Variants in NPAS3 observed in about 807,000 individuals in gnomAD.
NPAS3 encodes neuronal PAS domain-containing protein 3.
A neutral mutation model predicts 73.1 loss-of-function variants in NPAS3; 14 were observed. The observed-to-expected ratio is 0.19, with a 90% CI of 0.13 to 0.30. The LOEUF (loss-of-function observed/expected upper bound fraction) is 0.30. Ranked by LOEUF, NPAS3 falls within the 10% of genes least tolerant of loss-of-function variation. The probability of loss-of-function intolerance (pLI) is 1.00; values close to 1 mark genes in which losing one functional copy is unlikely to be tolerated. For synonymous variants in NPAS3, 620 were observed against 541.5 expected, an observed-to-expected ratio of 1.14 and a Z score of -2.01; for missense variants, 1,096 against 1,250.0, an observed-to-expected ratio of 0.88 and a Z score of 1.86.
intron 5 of NPAS3, among the ~76,000 whole-genome samples, chr14:33,660,555 TA>T (rs1161790792): frequency 2.0e-5 from 3 of 152,244 alleles, no homozygotes; most frequent in African/African-American, 7.2e-5. Context: ...TGAATCAGAT[TA>T]AAAACACAAA....
intron 3 of NPAS3, among the ~76,000 whole-genome samples, chr14:33,230,888 T>G (rs933363919): frequency 6.6e-6 from 1 of 152,250 alleles, no homozygotes; most frequent in African/African-American, 2.4e-5. Context: ...TCATTTTCTC[T>G]GTCCCCTGAA....
At chr14:33,001,109 T>C (rs1238318691) in intron 1 of NPAS3, among the ~76,000 whole-genome samples, 1 of 152,212 alleles carries the variant, frequency 6.6e-6, no homozygotes, top group African/African-American at 2.4e-5. Flanking sequence ...AATCTTTGTG[T>C]GTGTGTGTCT....
At chr14:32,962,569 C>G (rs149186146) in intron 1 of NPAS3, among the ~76,000 whole-genome samples, 1 of 110,612 alleles carries the variant, frequency 9.0e-6, no homozygotes, top group Non-Finnish European at 1.8e-5. Flanking sequence ...TTTTTCTTTT[C>G]TTTTTTTTTT....
intron 2 of NPAS3, among the ~76,000 whole-genome samples, chr14:33,090,211 A>G (rs1401147360): frequency 6.6e-6 from 1 of 152,252 alleles, no homozygotes; most frequent in Non-Finnish European, 1.5e-5. Flanking sequence ...GGCAAATTGG[A>G]TTAAAAGTCA....
intron 1 of NPAS3, among the ~76,000 whole-genome samples, chr14:33,033,002 C>G (rs534534748): frequency 1.3e-4 from 20 of 152,280 alleles, no homozygotes; most frequent in Admixed American, 9.8e-4. Context: ...ACAGTTTCAG[C>G]TTGCCTATAG....
At chr14:33,413,217 C>T (rs533961535) in intron 4 of NPAS3, among the ~76,000 whole-genome samples, 2 of 151,834 alleles carry the variant, frequency 1.3e-5, no homozygotes, top group African/African-American at 4.8e-5. Context: ...ACTTTTCTTA[C>T]TGTTGTACTC....
chr14:33,371,663 A>T (rs954223595), intron 4 of NPAS3, among the ~76,000 whole-genome samples: 1 of 152,210 alleles, frequency 6.6e-6, no homozygotes, highest in African/African-American at 2.4e-5. Context: ...AAAAATGTTC[A>T]TATCTAATGC....
chr14:33,793,800 C>CGT, intron 9 of NPAS3, 97 bp from the exon 10 acceptor site: 1 of 1,210,982 alleles, frequency 8.3e-7, no homozygotes, highest in Non-Finnish European at 1.1e-6. Flanking sequence ...TAGGTCCTCC[C>CGT]ATTTTTAGGC....
At chr14:33,120,695 A>T (rs2043203688) in intron 2 of NPAS3, among the ~76,000 whole-genome samples, 1 of 152,110 alleles carries the variant, frequency 6.6e-6, no homozygotes, top group Admixed American at 6.6e-5. Flanking sequence ...CCTTCTCAAG[A>T]GATACTGAAT....
At chr14:33,727,087 T>G (rs2061288150) in intron 6 of NPAS3, among the ~76,000 whole-genome samples, 1 of 152,146 alleles carries the variant, frequency 6.6e-6, no homozygotes, top group African/African-American at 2.4e-5. Flanking sequence ...CTCCTCTATC[T>G]AACTCCGTTT....
intron 4 of NPAS3, among the ~76,000 whole-genome samples, chr14:33,400,359 G>A (rs2138738572): frequency 6.6e-6 from 1 of 152,250 alleles, no homozygotes; most frequent in East Asian, 1.9e-4. Flanking sequence ...TGGAAATTTT[G>A]CTCACACCTT....
intron 5 of NPAS3, among the ~76,000 whole-genome samples, chr14:33,656,328 T>C (rs2059145626): frequency 3.3e-5 from 5 of 152,206 alleles, no homozygotes; most frequent in Admixed American, 2.6e-4. Flanking sequence ...TGCCAGTTAT[T>C]AGCTGCCTAA....
chr14:33,221,393 T>G (rs991471317), intron 3 of NPAS3, among the ~76,000 whole-genome samples: 1 of 152,168 alleles, frequency 6.6e-6, no homozygotes, highest in Non-Finnish European at 1.5e-5. Context: ...ATGAAGAACA[T>G]GAATCTGTAA....
At position 33,175,012 on chromosome 14, in the gene NPAS3, A is replaced by G. The variant is rs112753230; in HGVS notation, c.141-40170A>G. ...GAAAAAGGAAACAAACATTGAGGAA[A>G]AGCATGGTATCTTTGCAGATATTTT... On this transcript the variant is annotated intron_variant, in intron 2 of 11. Coordinates refer to ENST00000356141, the Ensembl canonical transcript of NPAS3. Among the ~76,000 whole-genome samples the G allele has an allele frequency of 1.5e-3, 235 of 152,348 alleles. 2 individuals are homozygous for G. The highest frequency in any genetic ancestry group is 5.2e-3 in the African/African-American group (218 of 41,578).
intron 3 of NPAS3, among the ~76,000 whole-genome samples, chr14:33,307,035 A>G (rs1041936868): frequency 4.6e-5 from 7 of 152,154 alleles, no homozygotes; most frequent in Non-Finnish European, 8.8e-5. Context: ...TGTGTGACTA[A>G]GGCTCTGACC....
At chr14:33,512,638 C>T (rs773768856) in intron 4 of NPAS3, among the ~76,000 whole-genome samples, 47 of 151,978 alleles carry the variant, frequency 3.1e-4, no homozygotes, top group Non-Finnish European at 5.0e-4. Flanking sequence ...TTCTGGTGTG[C>T]CTCTGTGTGT....
At chr14:33,012,265 G>T (rs1487600157) in intron 1 of NPAS3, among the ~76,000 whole-genome samples, 1 of 152,200 alleles carries the variant, frequency 6.6e-6, no homozygotes, top group Non-Finnish European at 1.5e-5. Flanking sequence ...TAGGGGTGTA[G>T]AGTGGAAGAG....
At chr14:32,980,192 G>T (rs1394004091) in intron 1 of NPAS3, among the ~76,000 whole-genome samples, 1 of 152,158 alleles carries the variant, frequency 6.6e-6, no homozygotes, top group African/African-American at 2.4e-5. Flanking sequence ...TTCCCAGACA[G>T]ATCTTTCCTT....
intron 4 of NPAS3, among the ~76,000 whole-genome samples, chr14:33,437,807 C>T (rs1421478594): frequency 6.6e-6 from 1 of 152,176 alleles, no homozygotes; most frequent in East Asian, 1.9e-4. Flanking sequence ...GCTTCCCTGT[C>T]ACAACTTTTC....
Sources: gnomAD v4.1 joint callset for allele counts (sites outside exome capture counted in the v4.1 genomes callset) on GRCh38, gnomAD v4.1.1 for gene constraint, MANE v1.5 for transcripts, NCBI Gene and HGNC (gene_info 2026-07-23, HGNC 2026-07-21) for gene names.